Variants in TLE1 observed in about 807,000 individuals in gnomAD.
TLE1 encodes the protein TLE family member 1, transcriptional corepressor.
Under a neutral mutation model 89.8 loss-of-function variants are expected in TLE1, and 21 were observed. The observed-to-expected ratio is 0.23, with a 90% confidence interval of 0.17 to 0.34. TLE1 has a LOEUF of 0.34. TLE1 is among the 10% of genes least tolerant of loss of function. The pLI is 1.00. For synonymous variants in TLE1, 447 were observed against 407.6 expected, an observed-to-expected ratio of 1.10 and a Z score of -1.16; for missense variants, 795 against 1,031.2, an observed-to-expected ratio of 0.77 and a Z score of 3.14.
At chr9:81,616,446 T>C (rs1824523477) in intron 10 of TLE1, among the ~76,000 whole-genome samples, 200 bp downstream of exon 10, 1 of 152,174 alleles carries the variant, frequency 6.6e-6, no homozygotes, top group Non-Finnish European at 1.5e-5. Context: ...TAGAGAAATA[T>C]CTTTTTTTAA....
At chr9:81,610,456 A>G (rs1400630519) in intron 13 of TLE1, among the ~76,000 whole-genome samples, 160 bp from the exon 14 acceptor site, 1 of 152,214 alleles carries the variant, frequency 6.6e-6, no homozygotes, top group Non-Finnish European at 1.5e-5. Context: ...GCAAGAGGTA[A>G]TATAAGCACC....
intron 11 of TLE1, 84 bp from the exon 12 acceptor site, chr9:81,613,605 T>A: frequency 1.4e-5 from 21 of 1,511,494 alleles, no homozygotes; most frequent in Non-Finnish European, 1.9e-5. Flanking sequence ...GCTGGGACAC[T>A]GGGCACCTTC....
intron 4 of TLE1, among the ~76,000 whole-genome samples, chr9:81,676,416 G>C (rs1832914762): frequency 6.6e-6 from 1 of 152,194 alleles, no homozygotes; most frequent in Non-Finnish European, 1.5e-5. Flanking sequence ...CCGCCTTGAA[G>C]TAAACAGGTG....
In TLE1 at chr9:81,689,265, G is replaced by A. The variant is rs1169105712; in HGVS notation, c.-1025C>T. On this transcript the variant is annotated 5_prime_UTR_variant, in exon 1 of 20. Transcript: ENST00000376499. ...CACGAGATGGTGGGGAAAACAGCAG[G>A]AGTGCGCTCCGCCAATCGGCCACCC... The A allele has an allele frequency of 6.6e-6, 1 of 152,412 alleles. No homozygotes were observed. Among genetic ancestry groups the A allele is most frequent in the Non-Finnish European group, 1.5e-5 (1 of 68,188 alleles). The allele number at this position is 152,412 out of a possible 1,614,324, so 9.4% of individuals were successfully genotyped here.
chr9:81,688,158 C>G (rs1361809440), intron 1 of TLE1, 59 bp downstream of exon 1: 1 of 1,593,306 alleles, frequency 6.3e-7, no homozygotes, highest in East Asian at 2.3e-5. Flanking sequence ...TCCCTACCGC[C>G]CGGGAGAAGC....
chr9:81,662,988 C>A (rs973969013), intron 4 of TLE1, among the ~76,000 whole-genome samples: 1 of 151,988 alleles, frequency 6.6e-6, no homozygotes, highest in Non-Finnish European at 1.5e-5. Context: ...GCTGGGACTA[C>A]AGGTGTGCAC....
At chr9:81,648,981 T>C (rs546751454) in intron 6 of TLE1, among the ~76,000 whole-genome samples, 15 of 152,198 alleles carry the variant, frequency 9.9e-5, no homozygotes, top group Non-Finnish European at 1.9e-4. Context: ...CTTTGCACTA[T>C]AAATTATCCT....
In TLE1 at chr9:81,687,449, C is replaced by G. The variant is rs761601256; in HGVS notation, c.25-15G>C. 1 of 1,588,034 alleles carries G rather than the reference C, an allele frequency of 6.3e-7. No homozygotes were observed. The highest frequency in any genetic ancestry group is 1.1e-5 in the South Asian group (1 of 88,210). On this transcript the variant is annotated splice_polypyrimidine_tract_variant and intron_variant, in intron 1 of 19. Transcript: ENST00000376499. The stretch of plus-strand genomic sequence containing the variant: ...TGGTGCGGCGTCTGGGGGCGACCAG[C>G]GAGGGGGACCGAGGGACGGGAATGC...
chr9:81,598,946 A>G (rs1830552941), intron 14 of TLE1, among the ~76,000 whole-genome samples: 1 of 152,212 alleles, frequency 6.6e-6, no homozygotes, highest in African/African-American at 2.4e-5. Flanking sequence ...CACACAGTCA[A>G]GTGCAAGAAG....
intron 13 of TLE1, 68 bp downstream of exon 13, chr9:81,611,701 A>T: frequency 7.3e-7 from 1 of 1,361,628 alleles, no homozygotes; most frequent in Non-Finnish European, 9.5e-7. Flanking sequence ...CTGGCCCCAA[A>T]CCTGACAGCG....
chr9:81,633,157 C>T (rs771474904), intron 8 of TLE1, among the ~76,000 whole-genome samples, 191 bp downstream of exon 8: 5 of 151,500 alleles, frequency 3.3e-5, no homozygotes, highest in African/African-American at 4.9e-5. Flanking sequence ...AAGAGCAGAG[C>T]GAACAGTCAT....
intron 8 of TLE1, among the ~76,000 whole-genome samples, chr9:81,632,474 CCTTTTT>C (rs763521609): frequency 4.4e-3 from 321 of 73,374 alleles, no homozygotes; most frequent in African/African-American, 9.1e-3. Context: ...GTTCAGTATC[CCTTTTT>C]TTTTTTTTTT....
At chr9:81,642,503 C>G (rs1828255177) in intron 6 of TLE1, among the ~76,000 whole-genome samples, 2 of 149,904 alleles carry the variant, frequency 1.3e-5, no homozygotes, top group Non-Finnish European at 3.0e-5. Context: ...ACCAGCCTGG[C>G]CAACATGGTG....
chr9:81,584,358 G>T, intron 19 of TLE1, 53 bp from the exon 20 acceptor site: 3 of 1,608,218 alleles, frequency 1.9e-6, no homozygotes, highest in Non-Finnish European at 1.7e-6. Flanking sequence ...GGTACTCAGA[G>T]GCCCTGCTCC....
At chr9:81,638,019 AGAAAG>A (rs1827627492) in intron 6 of TLE1, among the ~76,000 whole-genome samples, 1 of 152,202 alleles carries the variant, frequency 6.6e-6, no homozygotes, top group Non-Finnish European at 1.5e-5. Flanking sequence ...CTCCAGAATA[AGAAAG>A]GAAAAGGGCA....
At chr9:81,595,084 T>C (rs2131862124) in intron 14 of TLE1, among the ~76,000 whole-genome samples, 1 of 152,324 alleles carries the variant, frequency 6.6e-6, no homozygotes, top group African/African-American at 2.4e-5. Flanking sequence ...AATAAGCACG[T>C]ATAATGGGAA....
chr9:81,674,498 C>T (rs12347874), intron 4 of TLE1, among the ~76,000 whole-genome samples: 54 of 152,258 alleles, frequency 3.5e-4, no homozygotes, highest in African/African-American at 1.3e-3. Context: ...GTCCCTGAGG[C>T]CAACTGAAAA....
chr9:81,667,385 CAAAA>C (rs397893862), intron 4 of TLE1, among the ~76,000 whole-genome samples: 1 of 89,860 alleles, frequency 1.1e-5, no homozygotes, highest in African/African-American at 4.4e-5. Context: ...CAGACTGTCT[CAAAA>C]AAAAAAAAAA....
chr9:81,661,667 G>C (rs907675447), intron 4 of TLE1, among the ~76,000 whole-genome samples: 2 of 152,002 alleles, frequency 1.3e-5, no homozygotes, highest in African/African-American at 4.8e-5. Context: ...GCAAGAACAT[G>C]AAAACAAAGC....
Sources: allele counts gnomAD v4.1 joint callset (sites outside exome capture counted in the v4.1 genomes callset), GRCh38; gene constraint gnomAD v4.1.1; transcripts MANE v1.5; gene names NCBI Gene and HGNC (gene_info 2026-07-23, HGNC 2026-07-21).